The following DOT1L variants were observed in gnomAD, a reference collection of about 807,000 sequenced individuals.
DOT1L encodes the protein DOT1 like histone lysine methyltransferase.
DOT1L carries 33 observed loss-of-function variants against 153.3 expected under a neutral mutation model. The ratio of observed to expected loss-of-function variants is 0.22; its 90% CI spans 0.16 to 0.29. The LOEUF (loss-of-function observed/expected upper bound fraction) is 0.29. Among genes scored for constraint, DOT1L ranks in the 10% least tolerant of loss-of-function variants. The probability of loss-of-function intolerance (pLI) is 1.00; values close to 1 mark genes in which losing one functional copy is unlikely to be tolerated. For missense variants in DOT1L, 1,847 were observed against 2,119.9 expected, an observed-to-expected ratio of 0.87 and a Z score of 2.53; for synonymous variants, 1,135 against 965.1, an observed-to-expected ratio of 1.18 and a Z score of -3.26.
At chr19:2,221,651 A>G in intron 23 of DOT1L, 1 of 385,836 alleles carries the variant, frequency 2.6e-6, no homozygotes, top group Non-Finnish European at 4.7e-6. Flanking sequence ...TCACGGGGCC[A>G]GAGGGCAACT....
chr19:2,207,123 C>T lies in DOT1L; in HGVS notation c.856+326C>T, dbSNP rs1039803288. On this transcript the variant is annotated intron_variant, in intron 10 of 27. Coordinates refer to ENST00000398665, the MANE Select transcript of DOT1L (RefSeq NM_032482.3). This position sits in a 1 kb window ranked among gnomAD's most constrained non-coding sequence, Gnocchi z 4.5. ...ACTTTTGTGGACAGAGACAGGCCCACGGTGGGAAGGAGCCGGCCCCTCCCA... is the reference window on the plus strand; with the variant it reads ...ACTTTTGTGGACAGAGACAGGCCCATGGTGGGAAGGAGCCGGCCCCTCCCA... Among the ~76,000 whole-genome samples, 1 of 152,206 alleles carries T rather than the reference C, an allele frequency of 6.6e-6. No homozygotes were observed. Among genetic ancestry groups the T allele is most frequent in the Non-Finnish European group, 1.5e-5 (1 of 68,030 alleles).
chr19:2,213,663 T>A (rs759544560), intron 17 of DOT1L, 23 bp downstream of exon 17: 1 of 1,612,890 alleles, frequency 6.2e-7, no homozygotes. Flanking sequence ...AGAGGGCAGG[T>A]GGCAGGTGGC....
At chr19:2,164,959 C>T (rs1047464906) in intron 1 of DOT1L, among the ~76,000 whole-genome samples, 1 of 152,224 alleles carries the variant, frequency 6.6e-6, no homozygotes, top group Non-Finnish European at 1.5e-5. Flanking sequence ...GGATTGGGCT[C>T]ACCCCCGGAG....
chr19:2,222,326 G>A lies in DOT1L; in HGVS notation c.3157G>A (p.Ala1053Thr), dbSNP rs144165419. The A allele has an allele frequency of 1.2e-3, 1,869 of 1,612,958 alleles. 9 individuals carry two copies. Among genetic ancestry groups the A allele is most frequent in the Middle Eastern group, 0.011 (67 of 6,060 alleles). Residue 1053 changes from alanine (A) to threonine (T), a missense_variant, in exon 24 of 28, where the codon GCG (alanine) becomes ACG (threonine). Ala to Thr is a moderately conservative substitution (Grantham distance 58, BLOSUM62 0). Around this residue, in one of 8 missense-constraint regions of DOT1L, gnomAD observed 934 missense variants for 825.3 expected, o/e 1.13. Coordinates refer to ENST00000398665, the MANE Select transcript of DOT1L (RefSeq NM_032482.3). This position sits in a 1 kb window ranked among gnomAD's most constrained non-coding sequence, Gnocchi z 6.5. Reference protein sequence around the residue: ...RRIVFTITTGAGSAKQSPSSK... With the variant: ...RRIVFTITTGTGSAKQSPSSK... ...GATTGTGTTCACCATCACCACTGGT[G>A]CGGGCAGTGCCAAGCAGTCGCCCTC...
chr19:2,227,478 G>A (rs1188454584), intron 27 of DOT1L: 1 of 548,678 alleles, frequency 1.8e-6, no homozygotes, highest in Non-Finnish European at 3.5e-6. Flanking sequence ...GTAAGAGCGA[G>A]TCCCCGCAGT....
At chr19:2,229,409 G>A (rs2024504350) in intron 27 of DOT1L, 7 of 985,370 alleles carry the variant, frequency 7.1e-6, no homozygotes, top group African/African-American at 1.7e-5. Context: ...GGAGCCAGGA[G>A]CCAAGGCGGA....
chr19:2,196,913 G>A (rs986700514), intron 7 of DOT1L, among the ~76,000 whole-genome samples: 3 of 152,234 alleles, frequency 2.0e-5, no homozygotes, highest in Non-Finnish European at 4.4e-5. Context: ...TGAGTGTGCA[G>A]CGTGCGCTTT....
intron 14 of DOT1L, 85 bp downstream of exon 14, chr19:2,210,940 C>T (rs530187139): frequency 2.0e-6 from 3 of 1,523,114 alleles, no homozygotes; most frequent in South Asian, 2.4e-5. Context: ...CCCTCCTGAG[C>T]CCCGTGTGTT....
chr19:2,206,587 T>A, intron 9 of DOT1L, 142 bp from the exon 10 acceptor site: 2 of 686,724 alleles, frequency 2.9e-6, no homozygotes, highest in South Asian at 3.1e-5. Context: ...TGTTTCCTAG[T>A]GTTGCTTGTA....
In DOT1L at chr19:2,199,858, G is replaced by A. The variant is rs200575059; in HGVS notation, c.652-26G>A. On this transcript the variant is annotated intron_variant, in intron 7 of 27. Transcript: ENST00000398665. ...GGAGTGCCAGGGAGGCCGGGGGTCC[G>A]CGCTCACACCTGTTTTCCCTTTCAG... 17 of 1,611,644 alleles carry A rather than the reference G, an allele frequency of 1.1e-5. No homozygotes were observed. In the East Asian group the frequency reaches 1.1e-4, roughly 11 times the overall value.
Position 2,213,533 on chromosome 19 carries a change from C to T in DOT1L, c.1558-6C>T. 6 of 1,612,190 alleles carry T rather than the reference C, an allele frequency of 3.7e-6. No individual in the cohort carries two copies. The highest frequency in any genetic ancestry group is 5.1e-6 in the Non-Finnish European group (6 of 1,179,826). On this transcript the variant is annotated splice_polypyrimidine_tract_variant and splice_region_variant and intron_variant, in intron 16 of 27. Transcript: ENST00000398665. The stretch of plus-strand genomic sequence containing the variant: ...CCCTTAGTCACCTGCCCTGTTTGTC[C>T]TACAGGAGAAGAACGCCCAGCTCCT...
In DOT1L at chr19:2,194,577, A is replaced by C. The variant is rs771383402; in HGVS notation, c.651A>C (p.Thr217=). The C allele has an allele frequency of 4.3e-6, 7 of 1,611,884 alleles. No individual in the cohort carries two copies. The highest frequency in any genetic ancestry group is 5.1e-6 in the Non-Finnish European group (6 of 1,179,900). ...ATGGAAAAAAGCATGCAGAATACAC[A>C]GTGAGTGCCATCGCTCCGCCCCGGC... ...KWYGKKHAEY[T]LERGDFLSEE... Residue 217 remains threonine (T), a splice_region_variant and synonymous_variant, in exon 7 of 28, where the codon ACA becomes ACC. Transcript: ENST00000398665.
In DOT1L at chr19:2,231,213, G is replaced by C. The variant is rs1304375239; in HGVS notation, c.*1421G>C. 1.3e-5 allele frequency: 3 copies of C among 228,234 alleles called. No homozygotes were observed. Among genetic ancestry groups the C allele is most frequent in the Non-Finnish European group, 2.6e-5 (3 of 114,910 alleles). The allele number at this position is 228,234 out of a possible 1,614,324, so 14.1% of individuals were successfully genotyped here. A position where few individuals can be genotyped will look rare whatever the true frequency, so the allele number is the denominator to read the frequency against. Reference sequence around the variant, plus strand: ...TCTGAGCTCCCCGCATCTGGCCCTGGGCTGTGTGGCACTTGCTGAGCCCAC... The same window carrying C: ...TCTGAGCTCCCCGCATCTGGCCCTGCGCTGTGTGGCACTTGCTGAGCCCAC... On this transcript the variant is annotated 3_prime_UTR_variant, in exon 28 of 28. Coordinates refer to ENST00000398665, the MANE Select transcript of DOT1L (RefSeq NM_032482.3).
At chr19:2,211,691 A>G (rs2144839624) in intron 15 of DOT1L, 60 bp from the exon 16 acceptor site, 1 of 1,447,548 alleles carries the variant, frequency 6.9e-7, no homozygotes, top group Non-Finnish European at 9.4e-7. Flanking sequence ...GGCTGCTCCC[A>G]CCTCTTCCCT....
At chr19:2,227,296 A>G (rs932882109) in intron 27 of DOT1L, 169 bp downstream of exon 27, 1 of 886,636 alleles carries the variant, frequency 1.1e-6, no homozygotes, top group Non-Finnish European at 1.9e-6. Flanking sequence ...TCCTGTGGGG[A>G]GAGGGCTCAC....
chr19:2,208,921 T>G lies in DOT1L; in HGVS notation c.964-14T>G. On this transcript the variant is annotated splice_polypyrimidine_tract_variant and intron_variant, in intron 11 of 27. Transcript: ENST00000398665. This position sits in a 1 kb window ranked among gnomAD's most constrained non-coding sequence, Gnocchi z 4.4. ...GGACTCCCTTCTAATCAGGGTTCTC[T>G]TTCTTCTTTTTAGCTTGAAAACTAT... 6.2e-7 allele frequency: 1 copy of G among 1,612,462 alleles called. No individual in the cohort carries two copies. Among genetic ancestry groups the G allele is most frequent in the East Asian group, 2.2e-5 (1 of 44,864 alleles).
intron 1 of DOT1L, 139 bp downstream of exon 1, chr19:2,164,404 A>G: frequency 2.0e-6 from 1 of 511,080 alleles, no homozygotes; most frequent in Non-Finnish European, 2.9e-6. Context: ...TCGCTGCTCC[A>G]CCCCCGTTGC....
chr19:2,225,291 C>A (rs772806268), intron 25 of DOT1L, 97 bp from the exon 26 acceptor site: 5 of 1,242,982 alleles, frequency 4.0e-6, no homozygotes, highest in Non-Finnish European at 4.7e-6. Context: ...TCTCGTTCAC[C>A]ACCTCCGGAG....
chr19:2,164,525 C>G (rs1261134325), intron 1 of DOT1L: 1 of 289,450 alleles, frequency 3.5e-6, no homozygotes. Flanking sequence ...GTTGCCCCCG[C>G]CGGGCTGTCC....
Sources: allele counts gnomAD v4.1 joint callset (sites outside exome capture counted in the v4.1 genomes callset), GRCh38; gene constraint gnomAD v4.1.1; regional missense constraint gnomAD v4.1.1; non-coding constraint Gnocchi (gnomAD v3.1); transcripts MANE v1.5; gene names NCBI Gene and HGNC (gene_info 2026-07-23, HGNC 2026-07-21).